Variants in MECOM observed in about 807,000 individuals in gnomAD.
The protein encoded by MECOM is histone-lysine N-methyltransferase MECOM.
A neutral mutation model predicts 116.3 loss-of-function variants in MECOM; 13 were observed. The ratio of observed to expected loss-of-function variants is 0.11; its 90% confidence interval spans 0.07 to 0.18. MECOM has a LOEUF of 0.18. Ranked by LOEUF, MECOM falls within the 10% of genes least tolerant of loss-of-function variation. The pLI, the probability that MECOM is intolerant of heterozygous loss-of-function variation, is 1.00. For missense variants in MECOM, 1,299 were observed against 1,509.0 expected (o/e 0.86, Z 2.31); for synonymous variants, 528 against 535.2 (o/e 0.99, Z 0.19).
intron 1 of MECOM, among the ~76,000 whole-genome samples, chr3:169,423,928 G>C (rs975255428): frequency 4.6e-5 from 7 of 152,094 alleles, no homozygotes; most frequent in Non-Finnish European, 1.0e-4. Flanking sequence ...CCAAAACCAA[G>C]CTGGGATATA....
At chr3:169,501,751 G>A (rs1448241764) in intron 1 of MECOM, among the ~76,000 whole-genome samples, 3 of 152,032 alleles carry the variant, frequency 2.0e-5, no homozygotes, top group African/African-American at 7.2e-5. Flanking sequence ...GTTAGCTAGA[G>A]TTTTTCTCAT....
chr3:169,554,348 T>C (rs931581098), intron 1 of MECOM, among the ~76,000 whole-genome samples: 6 of 152,206 alleles, frequency 3.9e-5, no homozygotes, highest in African/African-American at 1.2e-4. Context: ...TCGCCTACAT[T>C]AAACAACATC....
chr3:169,268,602 A>G (rs1179729121), intron 2 of MECOM, among the ~76,000 whole-genome samples: 1 of 152,252 alleles, frequency 6.6e-6, no homozygotes, highest in Non-Finnish European at 1.5e-5. Context: ...GCTAAAGCAA[A>G]TAGATTTCAG....
intron 1 of MECOM, among the ~76,000 whole-genome samples, chr3:169,421,687 T>A (rs79928271): frequency 0.12 from 17,698 of 147,072 alleles, 1,280 homozygotes; most frequent in East Asian, 0.3. Context: ...TTTGTTTTTT[T>A]AAAAAAAAAA....
intron 1 of MECOM, among the ~76,000 whole-genome samples, chr3:169,650,534 T>C (rs1318087111): frequency 6.6e-6 from 1 of 152,118 alleles, no homozygotes; most frequent in Non-Finnish European, 1.5e-5. Context: ...GGGCATAATA[T>C]AAGACCTGGA....
At chr3:169,609,457 A>ATT (rs5854341) in intron 1 of MECOM, among the ~76,000 whole-genome samples, 13,642 of 149,206 alleles carry the variant, frequency 0.091, 607 homozygotes, top group Middle Eastern at 0.15. Flanking sequence ...TCAGTTAATC[A>ATT]TTTTTTTTTT....
intron 1 of MECOM, among the ~76,000 whole-genome samples, chr3:169,408,537 A>G (rs904838866): frequency 2.0e-5 from 3 of 152,236 alleles, no homozygotes; most frequent in African/African-American, 7.2e-5. Flanking sequence ...CTCACTAAGA[A>G]GTGATTAGGA....
At chr3:169,087,550 T>C (rs1379909843) in intron 16 of MECOM, among the ~76,000 whole-genome samples, 1 of 152,114 alleles carries the variant, frequency 6.6e-6, no homozygotes, top group African/African-American at 2.4e-5. Context: ...TGAGCCGTGA[T>C]TGCACCACTG....
intron 2 of MECOM, among the ~76,000 whole-genome samples, chr3:169,250,905 T>G (rs189589700): frequency 1.3e-5 from 2 of 152,206 alleles, no homozygotes; most frequent in Non-Finnish European, 2.9e-5. Context: ...ATAGAGTAAA[T>G]GTTTCCACTT....
chr3:169,513,140 G>T (rs1234325888), intron 1 of MECOM, among the ~76,000 whole-genome samples: 1 of 152,198 alleles, frequency 6.6e-6, no homozygotes, highest in African/African-American at 2.4e-5. Context: ...ATGATTCTCT[G>T]AACAGGTGTG....
chr3:169,506,998 A>T (rs1420861165), intron 1 of MECOM, among the ~76,000 whole-genome samples: 1 of 152,232 alleles, frequency 6.6e-6, no homozygotes, highest in African/African-American at 2.4e-5. Flanking sequence ...CTCGTCCTTC[A>T]TCAAGGAGGA....
chr3:169,642,150 A>G (rs1457750104), intron 1 of MECOM, among the ~76,000 whole-genome samples: 2 of 152,220 alleles, frequency 1.3e-5, no homozygotes, highest in Non-Finnish European at 2.9e-5. Context: ...TCATTTCAGC[A>G]AAGAATCTAA....
chr3:169,282,959 G>T (rs937479492), intron 2 of MECOM, among the ~76,000 whole-genome samples: 2 of 151,384 alleles, frequency 1.3e-5, no homozygotes, highest in Non-Finnish European at 2.9e-5. Flanking sequence ...CCTTTTTTAC[G>T]GTAATTTCTA....
intron 2 of MECOM, among the ~76,000 whole-genome samples, chr3:169,198,096 T>C (rs1748666131): frequency 6.6e-6 from 1 of 152,036 alleles, no homozygotes. Flanking sequence ...TTTAAAAATA[T>C]GTGAATGCTA....
chr3:169,265,460 T>TTA (rs1577517980), intron 2 of MECOM, among the ~76,000 whole-genome samples: 1 of 152,232 alleles, frequency 6.6e-6, no homozygotes, highest in East Asian at 1.9e-4. Flanking sequence ...TTGTCTCTAA[T>TTA]TTGTAGTTCT....
chr3:169,617,891 A>C (rs770540847), intron 1 of MECOM, among the ~76,000 whole-genome samples: 12 of 152,176 alleles, frequency 7.9e-5, no homozygotes, highest in Non-Finnish European at 1.2e-4. Context: ...GCCCTGGGAC[A>C]CTTCTTAGAA....
Position 169,639,064 on chromosome 3 carries a change from C to T in MECOM, c.37+24272G>A, listed in dbSNP as rs1487842030. 2.6e-5 allele frequency among the ~76,000 whole-genome samples: 4 copies of T among 152,224 alleles called. No homozygotes were observed. In the South Asian group the frequency reaches 8.3e-4, roughly 32 times the overall value. On this transcript the variant is annotated intron_variant, in intron 1 of 16. Coordinates refer to ENST00000651503, the MANE Select transcript of MECOM (RefSeq NM_004991.4). The stretch of plus-strand genomic sequence containing the variant: ...GAGTGCTAAGATACTGAATAAGCTC[C>T]TGGAGGTGAACCAATCATTAGGATT...
At chr3:169,246,394 C>A (rs1755584621) in intron 2 of MECOM, among the ~76,000 whole-genome samples, 1 of 152,150 alleles carries the variant, frequency 6.6e-6, no homozygotes, top group Non-Finnish European at 1.5e-5. Flanking sequence ...TCCCAAACCA[C>A]AACTATCATG....
intron 1 of MECOM, among the ~76,000 whole-genome samples, chr3:169,585,253 T>C (rs572179969): frequency 9.9e-5 from 15 of 152,156 alleles, no homozygotes; most frequent in Non-Finnish European, 2.2e-4. Context: ...ATCCCAGAGA[T>C]TGATGTCATT....
Sources: allele counts gnomAD v4.1 joint callset (sites outside exome capture counted in the v4.1 genomes callset), GRCh38; gene constraint gnomAD v4.1.1; transcripts MANE v1.5; gene names NCBI Gene and HGNC (gene_info 2026-07-23, HGNC 2026-07-21).